KCNMB2: variants seen among roughly 807,000 people sequenced by gnomAD.
KCNMB2 encodes the protein calcium-activated potassium channel subunit beta-2.
Under a neutral mutation model 24.5 loss-of-function variants are expected in KCNMB2, and 9 were observed. The ratio of observed to expected loss-of-function variants is 0.37; its 90% confidence interval spans 0.22 to 0.64. The LOEUF (loss-of-function observed/expected upper bound fraction) is 0.64. Ranked by LOEUF, KCNMB2 falls within the 30% of genes least tolerant of loss-of-function variation. The pLI is 0.63. For synonymous variants in KCNMB2, 109 were observed against 104.4 expected (o/e 1.04, Z -0.27); for missense variants, 226 against 284.3 (o/e 0.79, Z 1.47).
chr3:178,717,890 CAA>C (rs34476959), intron 1 of KCNMB2, among the ~76,000 whole-genome samples: 3 of 134,570 alleles, frequency 2.2e-5, no homozygotes, highest in Non-Finnish European at 3.3e-5. Flanking sequence ...ACTTTCTTTA[CAA>C]AAAAAAAAAA....
intron 1 of KCNMB2, among the ~76,000 whole-genome samples, chr3:178,577,452 C>A (rs1314174986): frequency 1.3e-5 from 2 of 152,154 alleles, no homozygotes; most frequent in African/African-American, 4.8e-5. Context: ...AAAACCAGAA[C>A]GTCTCTTCTC....
chr3:178,740,797 CTT>C (rs1486402072), intron 1 of KCNMB2, among the ~76,000 whole-genome samples: 3 of 152,160 alleles, frequency 2.0e-5, no homozygotes, highest in Non-Finnish European at 4.4e-5. Flanking sequence ...GCACTGGGCT[CTT>C]TTGCATACAT....
chr3:178,805,819 G>A (rs1215339100), intron 1 of KCNMB2, among the ~76,000 whole-genome samples: 2 of 151,850 alleles, frequency 1.3e-5, no homozygotes, highest in Admixed American at 6.6e-5. Context: ...TTAATTTTAT[G>A]TAGAGACGGG....
At chr3:178,791,108 G>A (rs1713304700) in intron 1 of KCNMB2, among the ~76,000 whole-genome samples, 1 of 152,168 alleles carries the variant, frequency 6.6e-6, no homozygotes, top group Non-Finnish European at 1.5e-5. Context: ...AGGAAAACAT[G>A]ACCTCACCAA....
In KCNMB2 at chr3:178,649,320, C is replaced by A. The variant is rs372319423; in HGVS notation, c.-68+112609C>A. Among the ~76,000 whole-genome samples, 5 of 152,244 alleles carry A rather than the reference C, an allele frequency of 3.3e-5. No individual in the cohort carries two copies. In the East Asian group the frequency reaches 5.8e-4, roughly 18 times the overall value. On this transcript the variant is annotated intron_variant, in intron 1 of 4. Transcript: ENST00000452583. ...ATACTCATAAACATCACCTTCTATTCTTTTCATATTTTTACTATTCTTGTT... is the reference window on the plus strand; with the variant it reads ...ATACTCATAAACATCACCTTCTATTATTTTCATATTTTTACTATTCTTGTT...
intron 1 of KCNMB2, among the ~76,000 whole-genome samples, chr3:178,782,871 CTA>C (rs1344560786): frequency 2.6e-5 from 4 of 151,526 alleles, no homozygotes; most frequent in Non-Finnish European, 5.9e-5. Flanking sequence ...TTGCCCATGC[CTA>C]TGTCCTGAAT....
intron 1 of KCNMB2, among the ~76,000 whole-genome samples, chr3:178,714,103 T>G (rs1438937319): frequency 6.6e-6 from 1 of 152,168 alleles, no homozygotes; most frequent in African/African-American, 2.4e-5. Context: ...AAGGAATAGA[T>G]TCCCGGTTAT....
intron 1 of KCNMB2, among the ~76,000 whole-genome samples, chr3:178,617,889 T>TAAA (rs3052262): frequency 1.0e-5 from 1 of 99,262 alleles, no homozygotes; most frequent in Admixed American, 1.1e-4. Flanking sequence ...AGACTCTGTC[T>TAAA]AAAAAAAAAA....
At chr3:178,793,514 T>TTGGG (rs1553778496) in intron 1 of KCNMB2, among the ~76,000 whole-genome samples, 1 of 145,730 alleles carries the variant, frequency 6.9e-6, no homozygotes, top group Non-Finnish European at 1.5e-5. Context: ...CTCTTCACCC[T>TTGGG]GGGGGGGTGG....
At chr3:178,763,897 A>C (rs945088166) in intron 1 of KCNMB2, among the ~76,000 whole-genome samples, 1 of 152,194 alleles carries the variant, frequency 6.6e-6, no homozygotes, top group African/African-American at 2.4e-5. Context: ...TAACTAAGTT[A>C]ACATTCACAG....
At chr3:178,565,419 G>T (rs1704349015) in intron 1 of KCNMB2, among the ~76,000 whole-genome samples, 1 of 152,134 alleles carries the variant, frequency 6.6e-6, no homozygotes, top group African/African-American at 2.4e-5. Flanking sequence ...GTCTAGAGTG[G>T]AAAATGATAC....
rs1040009353 is a variant in KCNMB2 at position 178,780,564 on chromosome 3, C to A, written c.-67-26779C>A. Among the ~76,000 whole-genome samples, 43 of 152,210 alleles carry A rather than the reference C, an allele frequency of 2.8e-4. 1 individual carries two copies. The highest frequency in any genetic ancestry group is 2.9e-5 in the Non-Finnish European group (2 of 68,054). On this transcript the variant is annotated intron_variant, in intron 1 of 4. Transcript: ENST00000452583. Reference sequence around the variant, plus strand: ...ATGGTATTACAATTTCAAGTGGCTACTATGACACAGCCATATCAAAATACC... The same window carrying A: ...ATGGTATTACAATTTCAAGTGGCTAATATGACACAGCCATATCAAAATACC...
intron 1 of KCNMB2, among the ~76,000 whole-genome samples, chr3:178,739,341 A>C (rs1723420951): frequency 1.3e-5 from 2 of 152,248 alleles, no homozygotes. Flanking sequence ...CAAAAGTAAC[A>C]GGCCATTATC....
chr3:178,812,120 T>C (rs1714216065), intron 2 of KCNMB2, among the ~76,000 whole-genome samples: 1 of 152,174 alleles, frequency 6.6e-6, no homozygotes, highest in South Asian at 2.1e-4. Context: ...GAATTCTTTA[T>C]AAAAGTCCAT....
chr3:178,655,811 GA>G (rs1362143282), intron 1 of KCNMB2, among the ~76,000 whole-genome samples: 1 of 152,356 alleles, frequency 6.6e-6, no homozygotes, highest in East Asian at 1.9e-4. Context: ...CCTGATGCAT[GA>G]AAGTTATTCA....
chr3:178,744,739 G>A (rs1467561834), intron 1 of KCNMB2, among the ~76,000 whole-genome samples: 1 of 151,246 alleles, frequency 6.6e-6, no homozygotes, highest in African/African-American at 2.4e-5. Context: ...GATTAGGCAT[G>A]GCCAGGCTTC....
chr3:178,810,988 G>A (rs1175391849), intron 2 of KCNMB2, among the ~76,000 whole-genome samples: 3 of 143,848 alleles, frequency 2.1e-5, no homozygotes, highest in African/African-American at 2.6e-5. Context: ...TCCTGACCTC[G>A]TGATCCGCCC....
Position 178,820,778 on chromosome 3 carries a change from T to C in KCNMB2, c.57-4810T>C, listed in dbSNP as rs560723546. 3.9e-5 allele frequency: 6 copies of C among 152,464 alleles called. No individual in the cohort carries two copies. In the East Asian group the frequency reaches 5.8e-4, roughly 15 times the overall value. The allele number at this position is 152,464 out of a possible 1,614,324, so 9.4% of individuals were successfully genotyped here. On this transcript the variant is annotated intron_variant, in intron 2 of 4. Coordinates refer to ENST00000452583, the MANE Select transcript of KCNMB2 (RefSeq NM_181361.3). Reference sequence around the variant, plus strand: ...TTGAAAATATTTTGTTTACAAGATATTTATCACAAACACTTTTGTTATACT... The same window carrying C: ...TTGAAAATATTTTGTTTACAAGATACTTATCACAAACACTTTTGTTATACT...
At chr3:178,809,853 A>G (rs886125525) in intron 2 of KCNMB2, among the ~76,000 whole-genome samples, 1 of 152,240 alleles carries the variant, frequency 6.6e-6, no homozygotes, top group Non-Finnish European at 1.5e-5. Context: ...AATAATTAAA[A>G]TATTGACTAC....
Sources: gnomAD v4.1 joint callset for allele counts (sites outside exome capture counted in the v4.1 genomes callset) on GRCh38, gnomAD v4.1.1 for gene constraint, MANE v1.5 for transcripts, NCBI Gene and HGNC (gene_info 2026-07-23, HGNC 2026-07-21) for gene names.